The following FHIT variants were observed in gnomAD, a reference collection of about 807,000 sequenced individuals.
FHIT encodes bis(5'-adenosyl)-triphosphatase.
In FHIT, 19 loss-of-function variants were observed where a neutral mutation model predicts 17.9. That is an observed-to-expected ratio of 1.06 (90% CI 0.74 to 1.56). The LOEUF (loss-of-function observed/expected upper bound fraction) is 1.56. Among genes scored for constraint, FHIT ranks in the 40% most tolerant of loss-of-function variants. The pLI is 0.00. For missense variants in FHIT, 248 were observed against 189.2 expected, an observed-to-expected ratio of 1.31 and a Z score of -1.82; for synonymous variants, 81 against 69.7, an observed-to-expected ratio of 1.16 and a Z score of -0.81.
At chr3:60,817,536 C>G (rs2106748147) in intron 4 of FHIT, among the ~76,000 whole-genome samples, 1 of 151,758 alleles carries the variant, frequency 6.6e-6, no homozygotes, top group Non-Finnish European at 1.5e-5. Flanking sequence ...TTTTTTTACC[C>G]CTCGTTTGTA....
In FHIT at chr3:60,499,099, T is replaced by C. The variant is rs369328104; in HGVS notation, c.103+37761A>G. 7.2e-5 allele frequency among the ~76,000 whole-genome samples: 11 copies of C among 152,166 alleles called. No homozygotes were observed. In the South Asian group the frequency reaches 1.5e-3, roughly 20 times the overall value. ...CGAGATTCCATGAGTGACCAAGGAG[T>C]TGAAGGGGATAAAAACTCCCCATTC... On this transcript the variant is annotated intron_variant, in intron 5 of 9. Transcript: ENST00000492590.
intron 3 of FHIT, among the ~76,000 whole-genome samples, chr3:60,891,017 C>T (rs1243673005): frequency 1.3e-5 from 2 of 152,096 alleles, no homozygotes; most frequent in Non-Finnish European, 2.9e-5. Context: ...TTAATTTCTG[C>T]TTAGTGGTAT....
At chr3:60,755,300 C>T (rs2042550035) in intron 4 of FHIT, among the ~76,000 whole-genome samples, 1 of 152,206 alleles carries the variant, frequency 6.6e-6, no homozygotes, top group South Asian at 2.1e-4. Flanking sequence ...CAGAAGAGAA[C>T]ACGTCCTCCC....
intron 4 of FHIT, among the ~76,000 whole-genome samples, chr3:60,562,428 T>A (rs1576883938): frequency 6.6e-6 from 1 of 152,038 alleles, no homozygotes; most frequent in South Asian, 2.1e-4. Context: ...CCAGGTGGCG[T>A]CTCCAAGAAG....
At chr3:59,983,844 G>A (rs1708765076) in intron 7 of FHIT, among the ~76,000 whole-genome samples, 1 of 152,092 alleles carries the variant, frequency 6.6e-6, no homozygotes, top group African/African-American at 2.4e-5. Context: ...CTCCATTCCT[G>A]TATTACCCCT....
chr3:61,185,012 C>T (rs1448973832), intron 2 of FHIT, among the ~76,000 whole-genome samples: 2 of 152,126 alleles, frequency 1.3e-5, no homozygotes, highest in African/African-American at 2.4e-5. Context: ...ATTTCTAGCA[C>T]GGCATCCAAT....
intron 5 of FHIT, among the ~76,000 whole-genome samples, chr3:60,323,705 G>C (rs1371387663): frequency 6.6e-6 from 1 of 152,074 alleles, no homozygotes; most frequent in East Asian, 1.9e-4. Context: ...AAATTACTTT[G>C]ACTTAAATGG....
intron 5 of FHIT, among the ~76,000 whole-genome samples, chr3:60,514,341 G>A (rs766567560): frequency 7.2e-5 from 11 of 152,242 alleles, no homozygotes; most frequent in Non-Finnish European, 1.6e-4. Context: ...GCAGCCAGCA[G>A]TTCCAGTGTT....
chr3:60,086,058 C>T (rs1703479835), intron 5 of FHIT, among the ~76,000 whole-genome samples: 1 of 152,066 alleles, frequency 6.6e-6, no homozygotes, highest in Non-Finnish European at 1.5e-5. Context: ...CTGGTGAGGG[C>T]CTCAGGCTTC....
At chr3:60,730,442 C>T (rs1020246043) in intron 4 of FHIT, 12 of 231,264 alleles carry the variant, frequency 5.2e-5, no homozygotes, top group Non-Finnish European at 9.8e-5. Flanking sequence ...TCTTTGTCTC[C>T]TTTATAAATC....
At chr3:60,371,000 G>C (rs1470181408) in intron 5 of FHIT, among the ~76,000 whole-genome samples, 2 of 152,112 alleles carry the variant, frequency 1.3e-5, no homozygotes, top group South Asian at 4.2e-4. Context: ...AAATTGCTTG[G>C]ACGTGTCATA....
intron 5 of FHIT, among the ~76,000 whole-genome samples, chr3:60,150,670 A>C (rs1700427189): frequency 6.6e-6 from 1 of 152,168 alleles, no homozygotes; most frequent in African/African-American, 2.4e-5. Context: ...GCAATCCCAG[A>C]ACTTTAGGAG....
chr3:60,352,597 G>A (rs962098676), intron 5 of FHIT, among the ~76,000 whole-genome samples: 4 of 152,062 alleles, frequency 2.6e-5, no homozygotes, highest in Non-Finnish European at 4.4e-5. Flanking sequence ...CAACTCCTAG[G>A]TTCATGTGAT....
chr3:60,653,061 G>T (rs185700629), intron 4 of FHIT, among the ~76,000 whole-genome samples: 2 of 152,112 alleles, frequency 1.3e-5, no homozygotes, highest in African/African-American at 4.8e-5. Context: ...AAAATAGACC[G>T]CAACAATAGC....
At chr3:60,343,367 A>T (rs1313977448) in intron 5 of FHIT, among the ~76,000 whole-genome samples, 3 of 152,128 alleles carry the variant, frequency 2.0e-5, no homozygotes, top group Non-Finnish European at 4.4e-5. Context: ...AGTCTCTAAG[A>T]TAGAACTATA....
At chr3:60,232,721 T>C (rs571884032) in intron 5 of FHIT, among the ~76,000 whole-genome samples, 2 of 152,266 alleles carry the variant, frequency 1.3e-5, no homozygotes, top group African/African-American at 2.4e-5. Flanking sequence ...AGCACCCTTG[T>C]TCTGACCATT....
At chr3:60,828,015 C>T (rs1463766998) in intron 3 of FHIT, among the ~76,000 whole-genome samples, 3 of 152,270 alleles carry the variant, frequency 2.0e-5, no homozygotes, top group Admixed American at 6.5e-5. Flanking sequence ...TGGTTAAGGA[C>T]ATGGGTTTGA....
intron 2 of FHIT, among the ~76,000 whole-genome samples, chr3:61,182,640 T>C (rs2038376805): frequency 6.6e-6 from 1 of 152,124 alleles, no homozygotes; most frequent in Non-Finnish European, 1.5e-5. Flanking sequence ...ATGATAGAAT[T>C]CTCAACACCC....
At chr3:60,211,350 G>A (rs1377922840) in intron 5 of FHIT, among the ~76,000 whole-genome samples, 1 of 151,890 alleles carries the variant, frequency 6.6e-6, no homozygotes, top group Non-Finnish European at 1.5e-5. Flanking sequence ...TTAAAAATTT[G>A]GGGGAGGAAG....
Sources: allele counts gnomAD v4.1 joint callset (sites outside exome capture counted in the v4.1 genomes callset), GRCh38; gene constraint gnomAD v4.1.1; transcripts MANE v1.5; gene names NCBI Gene and HGNC (gene_info 2026-07-23, HGNC 2026-07-21).